The following TRAF2 variants were observed in gnomAD, a reference collection of about 807,000 sequenced individuals.
TRAF2 encodes TNF receptor associated factor 2, also known as TNF receptor-associated factor 2.
Under a neutral mutation model 55.6 loss-of-function variants are expected in TRAF2, and 6 were observed. The ratio of observed to expected loss-of-function variants is 0.11; its 90% CI spans 0.06 to 0.21. The LOEUF is 0.21. TRAF2 is among the 10% of genes least tolerant of loss of function. TRAF2 has a pLI of 1.00. For missense variants in TRAF2, 561 were observed against 684.5 expected (o/e 0.82, Z 2.01); for synonymous variants, 329 against 276.3 (o/e 1.19, Z -1.89).
chr9:136,921,452 C>T (rs973611839), intron 9 of TRAF2, among the ~76,000 whole-genome samples: 7 of 152,126 alleles, frequency 4.6e-5, no homozygotes, highest in Non-Finnish European at 7.4e-5. Context: ...GCCCTCCTGC[C>T]GTGCCAGCCC....
chr9:136,908,283 C>G, intron 5 of TRAF2, 52 bp downstream of exon 5: 2 of 1,495,008 alleles, frequency 1.3e-6, no homozygotes, highest in South Asian at 1.3e-5. Context: ...CGGGGCTGAG[C>G]TGGGGAGCTG....
chr9:136,884,971 T>G (rs1849418278), upstream of TRAF2, among the ~76,000 whole-genome samples: 1 of 152,214 alleles, frequency 6.6e-6, no homozygotes, highest in Non-Finnish European at 1.5e-5. Context: ...TTCCTGGGCT[T>G]GAGCAACCTC....
At chr9:136,924,066 T>C in intron 10 of TRAF2, 66 bp downstream of exon 10, 2 of 1,584,980 alleles carry the variant, frequency 1.3e-6, no homozygotes, top group Non-Finnish European at 1.7e-6. Context: ...GTGCAGCTTC[T>C]GTGGTGCAGG....
chr9:136,900,561 C>T lies in TRAF2; in HGVS notation c.366+41C>T, dbSNP rs17250225. ...TGTGGCATGGTGACAGAAGCTCCAG[C>T]AGTCGGGAGTCGTCCACGCTCCCCA... On this transcript the variant is annotated intron_variant, in intron 4 of 10. Transcript: ENST00000247668. The T allele has an allele frequency of 2.4e-3, 3,791 of 1,558,450 alleles. 82 individuals carry two copies. In the African/African-American group the frequency reaches 0.045, roughly 19 times the overall value.
At chr9:136,886,693 C>T (rs937177404) in intron 1 of TRAF2, 152 bp downstream of exon 1, 1 of 117,616 alleles carries the variant, frequency 8.5e-6, no homozygotes, top group Admixed American at 8.6e-5. Flanking sequence ...GGGGCGGGGG[C>T]GGGGCCAGCC....
rs1439584311 is a variant in TRAF2, at chr9:136,923,834, C to T, written c.1139-18C>T. The T allele has an allele frequency of 6.2e-7, 1 of 1,611,446 alleles. No homozygotes were observed. The highest frequency in any genetic ancestry group is 1.7e-4 in the Middle Eastern group (1 of 6,002). ...TTGCTGAGTGTCAGCTCACCAGGCA[C>T]CCCTCCTGCCTCCCCAGCCTTCTAC... On this transcript the variant is annotated intron_variant, in intron 9 of 10. Coordinates refer to ENST00000247668, the MANE Select transcript of TRAF2 (RefSeq NM_021138.4).
At chr9:136,924,755 G>A (rs2131337866) in intron 10 of TRAF2, among the ~76,000 whole-genome samples, 1 of 151,970 alleles carries the variant, frequency 6.6e-6, no homozygotes, top group African/African-American at 2.4e-5. Context: ...TTTACTTATT[G>A]TTAAGACGGA....
At chr9:136,917,953 A>G (rs1850279712) in intron 7 of TRAF2, among the ~76,000 whole-genome samples, 1 of 152,042 alleles carries the variant, frequency 6.6e-6, no homozygotes. Context: ...GAGAGAGAAC[A>G]CAGCGTGAGT....
intron 1 of TRAF2, chr9:136,886,932 G>C (rs1849465970): frequency 1.3e-5 from 2 of 152,490 alleles, no homozygotes; most frequent in Admixed American, 1.3e-4. Flanking sequence ...TCCACGCTCA[G>C]CTGTGGGCCC....
At chr9:136,917,853 C>T (rs576049530) in intron 7 of TRAF2, among the ~76,000 whole-genome samples, 1 of 152,166 alleles carries the variant, frequency 6.6e-6, no homozygotes, top group Non-Finnish European at 1.5e-5. Context: ...GCTTCCCGTG[C>T]GGGAGGTTGC....
At chr9:136,896,400 T>G (rs1849680731) in intron 1 of TRAF2, among the ~76,000 whole-genome samples, 1 of 152,222 alleles carries the variant, frequency 6.6e-6, no homozygotes. Flanking sequence ...TGTGAGGCTG[T>G]GGAGACGCAT....
chr9:136,900,411 C>G lies in TRAF2; in HGVS notation c.268-11C>G. 1.9e-6 allele frequency: 3 copies of G among 1,574,284 alleles called. No individual in the cohort carries two copies. Among genetic ancestry groups the G allele is most frequent in the African/African-American group, 1.3e-5 (1 of 74,170 alleles). ...GAGGAGGTTTAACCCGAGGGATATT[C>G]CTCTCCCCAGGCCTTCCCAGATAAT... On this transcript the variant is annotated splice_polypyrimidine_tract_variant and intron_variant, in intron 3 of 10. Transcript: ENST00000247668.
intron 1 of TRAF2, among the ~76,000 whole-genome samples, chr9:136,897,400 C>T (rs1849704082): frequency 1.3e-5 from 2 of 152,190 alleles, no homozygotes; most frequent in Non-Finnish European, 2.9e-5. Flanking sequence ...GGTGCCAGGG[C>T]AGGGCTGGCA....
chr9:136,904,745 CTATT>C (rs1849906838), intron 4 of TRAF2, among the ~76,000 whole-genome samples: 2 of 79,322 alleles, frequency 2.5e-5, no homozygotes, highest in Non-Finnish European at 5.3e-5. Flanking sequence ...AGAACATTGA[CTATT>C]TGTGCTTTCG....
At chr9:136,896,607 C>T (rs184003859) in intron 1 of TRAF2, among the ~76,000 whole-genome samples, 19 of 151,930 alleles carry the variant, frequency 1.3e-4, no homozygotes, top group Non-Finnish European at 2.2e-4. Flanking sequence ...TTACCCAAAC[C>T]GCTTATAAGG....
intron 10 of TRAF2, among the ~76,000 whole-genome samples, chr9:136,924,814 A>G (rs573712407): frequency 2.0e-5 from 3 of 152,028 alleles, no homozygotes; most frequent in South Asian, 4.2e-4. Context: ...ATCTCGGCTC[A>G]CTGCAACCTC....
intron 4 of TRAF2, among the ~76,000 whole-genome samples, chr9:136,906,774 C>T (rs1849962998): frequency 6.6e-6 from 1 of 152,226 alleles, no homozygotes; most frequent in South Asian, 2.1e-4. Flanking sequence ...CTCTGTGTTC[C>T]TGTAAGCGGC....
intron 4 of TRAF2, 57 bp from the exon 5 acceptor site, chr9:136,908,013 G>A (rs1441324776): frequency 6.4e-7 from 1 of 1,553,834 alleles, no homozygotes; most frequent in African/African-American, 1.4e-5. Context: ...GGGTGAAGCT[G>A]TGGCTGCCCA....
chr9:136,917,472 G>A (rs538320318), intron 7 of TRAF2, among the ~76,000 whole-genome samples: 46 of 152,168 alleles, frequency 3.0e-4, no homozygotes, highest in Non-Finnish European at 5.9e-4. Flanking sequence ...TCTCTTGTCC[G>A]TCTTGCCCTG....
Sources: allele counts gnomAD v4.1 joint callset (sites outside exome capture counted in the v4.1 genomes callset), GRCh38; gene constraint gnomAD v4.1.1; transcripts MANE v1.5; gene names NCBI Gene and HGNC (gene_info 2026-07-23, HGNC 2026-07-21).